CGB7: variants seen among roughly 807,000 people sequenced by gnomAD.
CGB7 encodes the protein choriogonadotropin subunit beta 7.
In CGB7, 6 loss-of-function variants were observed where a neutral mutation model predicts 7.3. The observed-to-expected ratio is 0.82, with a 90% CI of 0.45 to 1.62. The LOEUF is 1.62. Among genes scored for constraint, CGB7 ranks in the 40% most tolerant of loss-of-function variants. The pLI is 0.01. For missense variants in CGB7, 114 were observed against 236.2 expected (o/e 0.48, Z 3.39); for synonymous variants, 47 against 100.8 (o/e 0.47, Z 3.20).
At position 49,055,593 on chromosome 19, in the gene CGB7, G is replaced by A. The variant is rs2040049741; in HGVS notation, c.-218C>T. 11 of 1,468,198 alleles carry A rather than the reference G, an allele frequency of 7.5e-6. No homozygotes were observed. The highest frequency in any genetic ancestry group is 2.8e-5 in the African/African-American group (2 of 70,688). 90.9% of individuals were successfully genotyped at this position (1,468,198 alleles called of 1,614,324 possible). On this transcript the variant is annotated 5_prime_UTR_variant, in exon 3 of 5. Transcript: ENST00000684222. ...GCGCCAAGGATGAGGCGGAGACCAC[G>A]GTGAAGTGACCTCTGAGACTCAGTC... is the stretch of plus-strand genomic sequence containing the variant.
chr19:49,055,616 G>A lies in CGB7; in HGVS notation c.-241C>T, dbSNP rs1449437647. The A allele has an allele frequency of 1.2e-5, 18 of 1,440,500 alleles. No individual in the cohort carries two copies. The highest frequency in any genetic ancestry group is 1.6e-5 in the Non-Finnish European group (18 of 1,098,222). The allele number at this position is 1,440,500 out of a possible 1,614,324, so 89.2% of individuals were successfully genotyped here. A position where few individuals can be genotyped will look rare whatever the true frequency, so the allele number is the denominator to read the frequency against. On this transcript the variant is annotated 5_prime_UTR_variant, in exon 3 of 5. Coordinates refer to ENST00000684222, the MANE Select transcript of CGB7 (RefSeq NM_001385261.1). ...ACGGTGAAGTGACCTCTGAGACTCAGTCGTCGAGTGCTAGGGACTAGTCGA... is the reference window on the plus strand; with the variant it reads ...ACGGTGAAGTGACCTCTGAGACTCAATCGTCGAGTGCTAGGGACTAGTCGA...
Position 49,056,518 on chromosome 19 carries a change from T to A in CGB7, c.-1143A>T, listed in dbSNP as rs1265232062. 3.1e-6 allele frequency: 4 copies of A among 1,302,876 alleles called. No homozygotes were observed. Among genetic ancestry groups the A allele is most frequent in the Non-Finnish European group, 4.0e-6 (4 of 998,008 alleles). 80.7% of individuals were successfully genotyped at this position (1,302,876 alleles called of 1,614,324 possible). A position where few individuals can be genotyped will look rare whatever the true frequency, so the allele number is the denominator to read the frequency against. On this transcript the variant is annotated 5_prime_UTR_variant, in exon 3 of 5. Transcript: ENST00000684222. Reference sequence around the variant, plus strand: ...GAGACAGGGCTGCCGCTGCGGGTCGTGACTCCAGAGTTGGGGCGTCTCTTC... The same window carrying A: ...GAGACAGGGCTGCCGCTGCGGGTCGAGACTCCAGAGTTGGGGCGTCTCTTC...
rs1200660178 is a variant in CGB7 at position 49,056,247 on chromosome 19, G to C, written c.-872C>G. On this transcript the variant is annotated 5_prime_UTR_variant, in exon 3 of 5. Coordinates refer to ENST00000684222, the MANE Select transcript of CGB7 (RefSeq NM_001385261.1). ...GCCCCCACGCCAGGGGGCGTGTCTG[G>C]GGTGGGGCTGGCCCGGCAGGCTCCC... 1.6e-6 allele frequency: 2 copies of C among 1,289,660 alleles called. No homozygotes were observed. The highest frequency in any genetic ancestry group is 2.0e-6 in the Non-Finnish European group (2 of 989,038). The allele number at this position is 1,289,660 out of a possible 1,614,324, so 79.9% of individuals were successfully genotyped here. A position where few individuals can be genotyped will look rare whatever the true frequency, so the allele number is the denominator to read the frequency against.
chr19:49,057,714 G>T lies in CGB7; in HGVS notation c.-1601C>A. ...AGCAGCTTAGGAGCCCTGAAGGCGAGTTTCCAGCCCCTGGTCCTTCTGGCC... is the reference window on the plus strand; with the variant it reads ...AGCAGCTTAGGAGCCCTGAAGGCGATTTTCCAGCCCCTGGTCCTTCTGGCC... On this transcript the variant is annotated 5_prime_UTR_variant, in exon 1 of 5. Coordinates refer to ENST00000684222, the MANE Select transcript of CGB7 (RefSeq NM_001385261.1). 7.7e-7 allele frequency: 1 copy of T among 1,294,838 alleles called. No individual in the cohort carries two copies. Among genetic ancestry groups the T allele is most frequent in the Non-Finnish European group, 9.8e-7 (1 of 1,020,966 alleles). 80.2% of individuals were successfully genotyped at this position (1,294,838 alleles called of 1,614,324 possible). A position where few individuals can be genotyped will look rare whatever the true frequency, so the allele number is the denominator to read the frequency against.
rs1054634925 is a variant in CGB7 at position 49,055,680 on chromosome 19, C to T, written c.-305G>A. The stretch of plus-strand genomic sequence containing the variant: ...GAGAGTAGGGTGTAGGAAGGCCTGC[C>T]TCTGCCTATGGTGGGGTCTTGGGAA... On this transcript the variant is annotated 5_prime_UTR_variant, in exon 3 of 5. Transcript: ENST00000684222. 7.5e-7 allele frequency: 1 copy of T among 1,341,024 alleles called. No homozygotes were observed. The highest frequency in any genetic ancestry group is 9.6e-7 in the Non-Finnish European group (1 of 1,041,420). 83.1% of individuals were successfully genotyped at this position (1,341,024 alleles called of 1,614,324 possible).
chr19:49,055,986 C>T lies in CGB7; in HGVS notation c.-611G>A, dbSNP rs759911870. The stretch of plus-strand genomic sequence containing the variant: ...ATGCCCGGAGCGGTCCCCGGAAATG[C>T]GTGTGCTTCAGGTGATTTAACTGAT... On this transcript the variant is annotated 5_prime_UTR_variant, in exon 3 of 5. Coordinates refer to ENST00000684222, the MANE Select transcript of CGB7 (RefSeq NM_001385261.1). The T allele has an allele frequency of 3.7e-5, 41 of 1,117,844 alleles. No homozygotes were observed. Among genetic ancestry groups the T allele is most frequent in the Non-Finnish European group, 4.2e-5 (38 of 904,592 alleles). The allele number at this position is 1,117,844 out of a possible 1,614,324, so 69.2% of individuals were successfully genotyped here.
At position 49,056,374 on chromosome 19, in the gene CGB7, A is replaced by G. The variant is rs1380155427; in HGVS notation, c.-999T>C. On this transcript the variant is annotated 5_prime_UTR_variant, in exon 3 of 5. Coordinates refer to ENST00000684222, the MANE Select transcript of CGB7 (RefSeq NM_001385261.1). ...GGGGCTTCCAGTGGGGGCCACCCCA[A>G]GTCGCCTCCAGCGGGCGGAAGCGGT... is the stretch of plus-strand genomic sequence containing the variant. 1.5e-6 allele frequency: 2 copies of G among 1,295,466 alleles called. No individual in the cohort carries two copies. The highest frequency in any genetic ancestry group is 2.3e-5 in the Admixed American group (1 of 43,828). The allele number at this position is 1,295,466 out of a possible 1,614,324, so 80.2% of individuals were successfully genotyped here.
At position 49,055,874 on chromosome 19, in the gene CGB7, C is replaced by A. The variant is rs1229818288; in HGVS notation, c.-499G>T. On this transcript the variant is annotated 5_prime_UTR_variant, in exon 3 of 5. Coordinates refer to ENST00000684222, the MANE Select transcript of CGB7 (RefSeq NM_001385261.1). ...CGTGACTGTGCTGCCAGGGAAGCCA[C>A]TTGACCCAGATGCCCCCCAACGAGG... 39 of 1,085,310 alleles carry A rather than the reference C, an allele frequency of 3.6e-5. No homozygotes were observed. Among genetic ancestry groups the A allele is most frequent in the Non-Finnish European group, 4.1e-5 (36 of 886,988 alleles). The allele number at this position is 1,085,310 out of a possible 1,614,324, so 67.2% of individuals were successfully genotyped here. A position where few individuals can be genotyped will look rare whatever the true frequency, so the allele number is the denominator to read the frequency against.
At position 49,055,545 on chromosome 19, in the gene CGB7, A is replaced by G. The variant is rs2040048710; in HGVS notation, c.-170T>C. On this transcript the variant is annotated 5_prime_UTR_variant, in exon 3 of 5. Coordinates refer to ENST00000684222, the MANE Select transcript of CGB7 (RefSeq NM_001385261.1). ...CAGGAGTGGCTCAGCGGAGCACCCCAGTCCTCTCCCCTCAGTGGTCTAGCG... is the reference window on the plus strand; with the variant it reads ...CAGGAGTGGCTCAGCGGAGCACCCCGGTCCTCTCCCCTCAGTGGTCTAGCG... 2 of 1,556,568 alleles carry G rather than the reference A, an allele frequency of 1.3e-6. No individual in the cohort carries two copies. Among genetic ancestry groups the G allele is most frequent in the Admixed American group, 1.8e-5 (1 of 54,146 alleles).
intron 3 of CGB7, 104 bp downstream of exon 3, chr19:49,055,257 T>A: frequency 6.2e-7 from 1 of 1,606,022 alleles, no homozygotes; most frequent in Non-Finnish European, 8.5e-7. Flanking sequence ...GTCACGCTCC[T>A]CCAGAAAGAG....
In CGB7 at chr19:49,057,041, G is replaced by A. The variant is rs2040074491; in HGVS notation, c.-1221+80C>T. On this transcript the variant is annotated intron_variant, in intron 2 of 4. Coordinates refer to ENST00000684222, the MANE Select transcript of CGB7 (RefSeq NM_001385261.1). Reference sequence around the variant, plus strand: ...ACTGAGACCACCGGTCAGGGAATGGGAGCCAGCCCAGGGGCTCGGCGTGCA... The same window carrying A: ...ACTGAGACCACCGGTCAGGGAATGGAAGCCAGCCCAGGGGCTCGGCGTGCA... 4.9e-6 allele frequency: 7 copies of A among 1,442,664 alleles called. No individual in the cohort carries two copies. In the South Asian group the frequency reaches 7.3e-5, roughly 15 times the overall value. 89.4% of individuals were successfully genotyped at this position (1,442,664 alleles called of 1,614,324 possible).
chr19:49,057,522 C>A lies in CGB7; in HGVS notation c.-1409G>T. The A allele has an allele frequency of 8.2e-7, 1 of 1,223,514 alleles. No individual in the cohort carries two copies. Among genetic ancestry groups the A allele is most frequent in the Non-Finnish European group, 1.0e-6 (1 of 973,174 alleles). The allele number at this position is 1,223,514 out of a possible 1,614,324, so 75.8% of individuals were successfully genotyped here. ...CTCAAATGCAGGCCCCCAGCCACCA[C>A]AAAATCCCCCTGGTTCTGCCCCCGG... On this transcript the variant is annotated 5_prime_UTR_variant, in exon 1 of 5. Transcript: ENST00000684222.
rs2040052049 is a variant in CGB7 at position 49,055,735 on chromosome 19, G to A, written c.-360C>T. 3.3e-6 allele frequency: 4 copies of A among 1,223,112 alleles called. No homozygotes were observed. The highest frequency in any genetic ancestry group is 4.1e-6 in the Non-Finnish European group (4 of 969,474). 75.8% of individuals were successfully genotyped at this position (1,223,112 alleles called of 1,614,324 possible). On this transcript the variant is annotated 5_prime_UTR_variant, in exon 3 of 5. Transcript: ENST00000684222. Reference sequence around the variant, plus strand: ...GAGGAGGCCGTGACCCGAGAAAGGTGCTGGACTGAAGCCTCAACCCTCCTC... The same window carrying A: ...GAGGAGGCCGTGACCCGAGAAAGGTACTGGACTGAAGCCTCAACCCTCCTC...
rs749912361 is a variant in CGB7, at chr19:49,054,948, G to A, written c.76C>T (p.Arg26Trp). The A allele has an allele frequency of 2.0e-5, 30 of 1,496,164 alleles. 5 individuals are homozygous for A. Among genetic ancestry groups the A allele is most frequent in the African/African-American group, 2.8e-5 (2 of 70,424 alleles). 92.7% of individuals were successfully genotyped at this position (1,496,164 alleles called of 1,614,324 possible). ...GCATTGATGGGGCGGCACCGTGGCC[G>A]AAGCATCTCCCTGGATGCCCATGTC... ...GGTWASREML[R>W]PRCRPINATL... Residue 26 changes from arginine to tryptophan, a missense_variant, in exon 4 of 5, where the codon CGG becomes TGG. Transcript: ENST00000684222.
rs919547524 is a variant in CGB7 at position 49,055,895 on chromosome 19, C to G, written c.-520G>C. The G allele has an allele frequency of 1.8e-5, 19 of 1,079,694 alleles. No homozygotes were observed. The highest frequency in any genetic ancestry group is 7.6e-5 in the East Asian group (1 of 13,110). The allele number at this position is 1,079,694 out of a possible 1,614,324, so 66.9% of individuals were successfully genotyped here. ...GCCACTTGACCCAGATGCCCCCCAA[C>G]GAGGGATTCAGCCCGAGCCCCACCT... On this transcript the variant is annotated 5_prime_UTR_variant, in exon 3 of 5. Transcript: ENST00000684222.
chr19:49,057,235 C>G lies in CGB7; in HGVS notation c.-1335G>C. 6.5e-7 allele frequency: 1 copy of G among 1,533,642 alleles called. No homozygotes were observed. The highest frequency in any genetic ancestry group is 8.7e-7 in the Non-Finnish European group (1 of 1,146,070). ...GCCAGACAGCGCGGGGTTCTTCGTG[C>G]AGGCGATTAGAGCCTGAGCAAGATT... On this transcript the variant is annotated 5_prime_UTR_variant, in exon 2 of 5. Coordinates refer to ENST00000684222, the MANE Select transcript of CGB7 (RefSeq NM_001385261.1).
chr19:49,056,795 T>C (rs2040070788), intron 2 of CGB7, among the ~76,000 whole-genome samples, 200 bp from the exon 3 acceptor site: 1 of 152,164 alleles, frequency 6.6e-6, no homozygotes, highest in Non-Finnish European at 1.5e-5. Flanking sequence ...AGCTTTCGCA[T>C]CCTAGGGAAG....
rs1203168715 is a variant in CGB7 at position 49,056,404 on chromosome 19, C to A, written c.-1029G>T. 1 of 1,296,218 alleles carries A rather than the reference C, an allele frequency of 7.7e-7. No individual in the cohort carries two copies. 80.3% of individuals were successfully genotyped at this position (1,296,218 alleles called of 1,614,324 possible). ...CCTCCAGCGGGCGGAAGCGGTCGAG[C>A]CGGCGGAGCGGGTGCGGCGAGGAGC... is the stretch of plus-strand genomic sequence containing the variant. On this transcript the variant is annotated 5_prime_UTR_variant, in exon 3 of 5. Transcript: ENST00000684222.
chr19:49,056,472 T>C lies in CGB7; in HGVS notation c.-1097A>G. 4 of 1,300,600 alleles carry C rather than the reference T, an allele frequency of 3.1e-6. No individual in the cohort carries two copies. Among genetic ancestry groups the C allele is most frequent in the Non-Finnish European group, 4.0e-6 (4 of 996,044 alleles). The allele number at this position is 1,300,600 out of a possible 1,614,324, so 80.6% of individuals were successfully genotyped here. On this transcript the variant is annotated 5_prime_UTR_variant, in exon 3 of 5. Coordinates refer to ENST00000684222, the MANE Select transcript of CGB7 (RefSeq NM_001385261.1). Reference sequence around the variant, plus strand: ...GGAGACATGGCCCGCCGTGCGGCGCTCGAGGCGGCCTGGAAGAGCAGAGAC... The same window carrying C: ...GGAGACATGGCCCGCCGTGCGGCGCCCGAGGCGGCCTGGAAGAGCAGAGAC...
Sources: gnomAD v4.1 joint callset for allele counts (sites outside exome capture counted in the v4.1 genomes callset) on GRCh38, gnomAD v4.1.1 for gene constraint, MANE v1.5 for transcripts, NCBI Gene and HGNC (gene_info 2026-07-23, HGNC 2026-07-21) for gene names.